Variants in CACNA1A observed in about 807,000 individuals in gnomAD.
CACNA1A encodes voltage-dependent P/Q-type calcium channel subunit alpha-1A.
CACNA1A carries 57 observed loss-of-function variants against 262.4 expected under a neutral mutation model. The ratio of observed to expected loss-of-function variants is 0.22; its 90% confidence interval spans 0.18 to 0.27. The LOEUF (loss-of-function observed/expected upper bound fraction) is 0.27, where lower values mean the gene tolerates loss of function less well. Among genes scored for constraint, CACNA1A ranks in the 10% least tolerant of loss-of-function variants. The probability of loss-of-function intolerance (pLI) is 1.00; values close to 1 mark genes in which losing one functional copy is unlikely to be tolerated. For missense variants in CACNA1A, 2,526 were observed against 3,562.8 expected, an observed-to-expected ratio of 0.71 and a Z score of 7.41; for synonymous variants, 1,431 against 1,419.3, an observed-to-expected ratio of 1.01 and a Z score of -0.18.
intron 1 of CACNA1A, among the ~76,000 whole-genome samples, chr19:13,503,366 T>C (rs1013074431): frequency 2.0e-5 from 3 of 152,064 alleles, no homozygotes; most frequent in Admixed American, 2.0e-4. Flanking sequence ...GTTCATTTTG[T>C]AAAAATCTAT....
intron 3 of CACNA1A, among the ~76,000 whole-genome samples, chr19:13,375,102 C>T (rs78980581): frequency 0.036 from 5,524 of 152,192 alleles, 178 homozygotes; most frequent in South Asian, 0.087. Context: ...ACAGCGTGTG[C>T]TCACTTTGCG....
At position 13,259,776 on chromosome 19, in the gene CACNA1A, CA is replaced by C. The variant is rs1475351920; in HGVS notation, c.4251-76del. ...TGCACTTGTCTTTGGTTATCAGAGA[CA>C]GGGGGAGGGAAAGGAAGAGTGGTCC... On this transcript the variant is annotated intron_variant, in intron 26 of 46. Transcript: ENST00000360228. The C allele has an allele frequency of 9.8e-6, 15 of 1,533,942 alleles. No homozygotes were observed. In the Admixed American group the frequency reaches 1.7e-4, roughly 17 times the overall value.
At chr19:13,481,132 T>A (rs1417890043) in intron 1 of CACNA1A, among the ~76,000 whole-genome samples, 1 of 152,100 alleles carries the variant, frequency 6.6e-6, no homozygotes, top group Non-Finnish European at 1.5e-5. Context: ...GCAAGCGAGG[T>A]GCCTGGCATA....
intron 6 of CACNA1A, among the ~76,000 whole-genome samples, chr19:13,349,963 G>T (rs768613519): frequency 6.6e-6 from 1 of 152,200 alleles, no homozygotes; most frequent in Non-Finnish European, 1.5e-5. Context: ...GTGGGCATGG[G>T]AGCCATGTGG....
chr19:13,375,632 A>C (rs1322627607), intron 3 of CACNA1A, among the ~76,000 whole-genome samples: 1 of 151,954 alleles, frequency 6.6e-6, no homozygotes, highest in Non-Finnish European at 1.5e-5. Flanking sequence ...TACAGAAAAT[A>C]AAAAAATTAG....
chr19:13,353,553 C>T (rs1280424471), intron 6 of CACNA1A, among the ~76,000 whole-genome samples: 1 of 152,146 alleles, frequency 6.6e-6, no homozygotes, highest in Non-Finnish European at 1.5e-5. Context: ...TTTAACTGAT[C>T]TCCTATTGTC....
chr19:13,308,599 G>T lies in CACNA1A; in HGVS notation c.1669-71C>A. On this transcript the variant is annotated intron_variant, in intron 12 of 46. Transcript: ENST00000360228. The surrounding 1 kb of genome is among the most constrained non-coding windows in gnomAD (Gnocchi z 4.2). The stretch of plus-strand genomic sequence containing the variant: ...TCCAGAACTGGCAAGCATTTCCTAG[G>T]TACCAACCTTGCAAGAACTCAACCA... 1.0e-6 allele frequency: 1 copy of T among 954,994 alleles called. No homozygotes were observed. The allele number at this position is 954,994 out of a possible 1,614,324, so 59.2% of individuals were successfully genotyped here.
At chr19:13,288,082 C>G (rs1049979215) in intron 19 of CACNA1A, among the ~76,000 whole-genome samples, 3 of 152,114 alleles carry the variant, frequency 2.0e-5, no homozygotes, top group African/African-American at 7.2e-5. Flanking sequence ...GGATTACAGG[C>G]GTAAACCACA....
In CACNA1A at chr19:13,235,517, T is replaced by C. The variant is rs915652044; in HGVS notation, c.5067+97A>G. On this transcript the variant is annotated intron_variant, in intron 32 of 46. Coordinates refer to ENST00000360228, the MANE Select transcript of CACNA1A (RefSeq NM_001127222.2). ...ATAACAGATTCTCTGCACGACTACA[T>C]CACAGAGGCACTTCCAATCTGACTT... The C allele has an allele frequency of 1.2e-4, 108 of 890,090 alleles. 1 individual carries two copies. Among genetic ancestry groups the C allele is most frequent in the South Asian group, 9.8e-4 (72 of 73,790 alleles). 55.1% of individuals were successfully genotyped at this position (890,090 alleles called of 1,614,324 possible).
At chr19:13,314,596 G>A (rs1220554345) in intron 11 of CACNA1A, among the ~76,000 whole-genome samples, 2 of 152,152 alleles carry the variant, frequency 1.3e-5, no homozygotes, top group African/African-American at 4.8e-5. Context: ...GCTTTCGCCA[G>A]ACAGGGAAAC....
In CACNA1A at chr19:13,387,251, C is replaced by T. The variant is rs564907165; in HGVS notation, c.540-15472G>A. ...GATTACAGGCATGAGCCACTGCGCC[C>T]GGCCTCCATTTTTATTTTCTTAATT... On this transcript the variant is annotated intron_variant, in intron 3 of 46. Coordinates refer to ENST00000360228, the MANE Select transcript of CACNA1A (RefSeq NM_001127222.2). Among the ~76,000 whole-genome samples, 7 of 152,152 alleles carry T rather than the reference C, an allele frequency of 4.6e-5. 1 individual carries two copies. Among genetic ancestry groups the T allele is most frequent in the South Asian group, 4.2e-4 (2 of 4,818 alleles).
intron 31 of CACNA1A, among the ~76,000 whole-genome samples, chr19:13,243,328 G>A (rs988975061): frequency 6.6e-6 from 1 of 152,218 alleles, no homozygotes; most frequent in Non-Finnish European, 1.5e-5. Context: ...TATCACTTGG[G>A]TGCGGGTGCC....
intron 7 of CACNA1A, among the ~76,000 whole-genome samples, chr19:13,335,315 TATCC>T (rs2058545087): frequency 6.6e-6 from 1 of 152,048 alleles, no homozygotes; most frequent in Non-Finnish European, 1.5e-5. Flanking sequence ...GACCATGAGG[TATCC>T]ACGAGATTGG....
intron 38 of CACNA1A, among the ~76,000 whole-genome samples, chr19:13,219,214 G>T (rs2055130712): frequency 6.7e-6 from 1 of 150,120 alleles, no homozygotes. Flanking sequence ...GCTAATTTTT[G>T]TATTTTTAGT....
chr19:13,224,846 C>T (rs2055376953), intron 37 of CACNA1A, 74 bp from the exon 38 acceptor site: 1 of 1,055,818 alleles, frequency 9.5e-7, no homozygotes, highest in Middle Eastern at 2.6e-4. Context: ...GCGCCCGCCC[C>T]TACCCAGGGA....
chr19:13,253,159 T>A, intron 29 of CACNA1A, 58 bp from the exon 30 acceptor site: 1 of 1,094,566 alleles, frequency 9.1e-7, no homozygotes. Flanking sequence ...AAGTGGGAAG[T>A]GGGGAGGCAG....
chr19:13,235,554 C>G (rs770810930), intron 32 of CACNA1A, 60 bp downstream of exon 32: 32 of 1,178,980 alleles, frequency 2.7e-5, no homozygotes, highest in Non-Finnish European at 3.9e-5. Flanking sequence ...TACATTCAGC[C>G]AGAGCATGAG....
intron 7 of CACNA1A, 45 bp from the exon 8 acceptor site, chr19:13,334,538 T>A: frequency 1.0e-6 from 1 of 993,968 alleles, no homozygotes; most frequent in Non-Finnish European, 1.6e-6. Context: ...TTTGAAAATG[T>A]TAGGAAACGT....
chr19:13,354,869 CTT>C (rs56350383), intron 6 of CACNA1A, among the ~76,000 whole-genome samples: 26,416 of 113,190 alleles, frequency 0.23, 2,445 homozygotes, highest in East Asian at 0.6. Context: ...TTTTCTTTTT[CTT>C]TTTTTTTTTT....
Sources: allele counts gnomAD v4.1 joint callset (sites outside exome capture counted in the v4.1 genomes callset), GRCh38; gene constraint gnomAD v4.1.1; non-coding constraint Gnocchi (gnomAD v3.1); transcripts MANE v1.5; gene names NCBI Gene and HGNC (gene_info 2026-07-23, HGNC 2026-07-21).